SMARCC1: variants seen among roughly 807,000 people sequenced by gnomAD.
SMARCC1 encodes the protein SWI/SNF complex subunit SMARCC1.
Under a neutral mutation model 147.4 loss-of-function variants are expected in SMARCC1, and 43 were observed. The ratio of observed to expected loss-of-function variants is 0.29; its 90% CI spans 0.23 to 0.38. SMARCC1 has a LOEUF of 0.38. Ranked by LOEUF, SMARCC1 falls within the 10% of genes least tolerant of loss-of-function variation. The pLI, the probability that SMARCC1 is intolerant of heterozygous loss-of-function variation, is 1.00. For synonymous variants in SMARCC1, 495 were observed against 484.4 expected (o/e 1.02, Z -0.29); for missense variants, 1,119 against 1,381.1 (o/e 0.81, Z 3.01).
intron 5 of SMARCC1, among the ~76,000 whole-genome samples, chr3:47,733,977 G>GTATA (rs575979227): frequency 6.6e-6 from 1 of 150,776 alleles, no homozygotes; most frequent in Non-Finnish European, 1.5e-5. Context: ...GTACGTGTGT[G>GTATA]TATATATATA....
At chr3:47,706,909 C>A (rs1354750947) in intron 9 of SMARCC1, among the ~76,000 whole-genome samples, 1 of 152,132 alleles carries the variant, frequency 6.6e-6, no homozygotes, top group African/African-American at 2.4e-5. Context: ...ACAGGCCAAA[C>A]GATCCTGTGA....
chr3:47,766,637 C>G (rs1333064074), intron 2 of SMARCC1, among the ~76,000 whole-genome samples: 1 of 152,102 alleles, frequency 6.6e-6, no homozygotes, highest in African/African-American at 2.4e-5. Flanking sequence ...TGTATGCACA[C>G]GTACTAAAGC....
At chr3:47,663,584 C>A in intron 19 of SMARCC1, 1 of 1,395,760 alleles carries the variant, frequency 7.2e-7, no homozygotes, top group South Asian at 1.2e-5. Context: ...TGTCTTAGGT[C>A]GCGATTTTCT....
chr3:47,623,727 A>G (rs968300802), intron 24 of SMARCC1, among the ~76,000 whole-genome samples: 2 of 152,220 alleles, frequency 1.3e-5, no homozygotes, highest in African/African-American at 4.8e-5. Context: ...AAAAGTTACA[A>G]AGAGGTATAA....
chr3:47,781,692 C>T lies in SMARCC1; in HGVS notation c.106G>A (p.Gly36Arg). 6.4e-7 allele frequency: 1 copy of T among 1,563,340 alleles called. No individual in the cohort carries two copies. The highest frequency in any genetic ancestry group is 8.6e-7 in the Non-Finnish European group (1 of 1,158,632). Residue 36 changes from glycine (G) to arginine (R), a missense_variant, in exon 1 of 28, where the codon GGG becomes AGG. Around this residue, in one of 6 missense-constraint regions of SMARCC1, gnomAD observed 542 missense variants for 611.8 expected, o/e 0.89. Transcript: ENST00000254480. Reference protein sequence around the residue: ...AGLAVYRRKDGGPATKFWESP... With the variant: ...AGLAVYRRKDRGPATKFWESP... ...TCCCAAAACTTGGTGGCCGGGCCCC[C>T]ATCCTTCCGTCGATAAACAGCTAGG...
chr3:47,663,283 C>T (rs1040963181), intron 19 of SMARCC1, among the ~76,000 whole-genome samples: 2 of 148,890 alleles, frequency 1.3e-5, no homozygotes, highest in East Asian at 4.0e-4. Flanking sequence ...TTTACTAATA[C>T]ATACAGACAT....
At chr3:47,677,656 C>A (rs180848743) in intron 16 of SMARCC1, among the ~76,000 whole-genome samples, 18 of 151,996 alleles carry the variant, frequency 1.2e-4, no homozygotes, top group African/African-American at 4.3e-4. Context: ...AGTTCTCCTG[C>A]CTCAGCCTCC....
At chr3:47,682,412 G>A (rs944334531) in intron 14 of SMARCC1, among the ~76,000 whole-genome samples, 11 of 152,096 alleles carry the variant, frequency 7.2e-5, no homozygotes, top group Non-Finnish European at 1.3e-4. Context: ...CAGGATAGCC[G>A]GGACTACAGG....
chr3:47,746,306 T>A (rs558772707), intron 2 of SMARCC1: 4 of 191,144 alleles, frequency 2.1e-5, no homozygotes, highest in Non-Finnish European at 3.2e-5. Context: ...AAAAATTAGC[T>A]GTGCATTGTG....
At position 47,738,026 on chromosome 3, in the gene SMARCC1, T is replaced by C; in HGVS notation, c.483+3A>G. 1 of 1,588,626 alleles carries C rather than the reference T, an allele frequency of 6.3e-7. No homozygotes were observed. Among genetic ancestry groups the C allele is most frequent in the Non-Finnish European group, 8.6e-7 (1 of 1,166,590 alleles). The stretch of plus-strand genomic sequence containing the variant: ...TTTTAAATAACCTAAGTTTCCAAGT[T>C]ACCTGCACCAATGTTTTTTCAATGT... On this transcript the variant is annotated splice_donor_region_variant and intron_variant, in intron 4 of 27. Transcript: ENST00000254480.
chr3:47,597,621 C>T (rs1019589974), intron 26 of SMARCC1, among the ~76,000 whole-genome samples: 10 of 152,098 alleles, frequency 6.6e-5, no homozygotes, highest in Non-Finnish European at 1.2e-4. Context: ...CCACCATGCC[C>T]GGCCCACGCC....
chr3:47,589,882 A>G (rs1366287247), intron 27 of SMARCC1, among the ~76,000 whole-genome samples: 2 of 152,230 alleles, frequency 1.3e-5, no homozygotes, highest in Non-Finnish European at 2.9e-5. Flanking sequence ...AATAGTAGCT[A>G]AACTTTTGGC....
chr3:47,743,705 C>G (rs1292341596), intron 3 of SMARCC1, among the ~76,000 whole-genome samples: 7 of 151,120 alleles, frequency 4.6e-5, no homozygotes, highest in Non-Finnish European at 1.5e-5. Flanking sequence ...CCCAGCTACT[C>G]AGGAGGGTGA....
At chr3:47,707,737 G>A (rs1005052963) in intron 9 of SMARCC1, among the ~76,000 whole-genome samples, 1 of 152,114 alleles carries the variant, frequency 6.6e-6, no homozygotes, top group Non-Finnish European at 1.5e-5. Context: ...AAGTTAGCTG[G>A]ATGTAGGGGT....
chr3:47,757,422 C>T (rs2034712925), intron 2 of SMARCC1, among the ~76,000 whole-genome samples: 1 of 152,066 alleles, frequency 6.6e-6, no homozygotes, highest in East Asian at 1.9e-4. Context: ...AACCACAAAT[C>T]TACTAAATAA....
At chr3:47,699,873 C>T (rs748314116) in intron 11 of SMARCC1, among the ~76,000 whole-genome samples, 8 of 151,978 alleles carry the variant, frequency 5.3e-5, no homozygotes, top group South Asian at 2.1e-4. Context: ...TTACAAATTT[C>T]TCAATAATGA....
In SMARCC1 at chr3:47,654,589, T is replaced by C. The variant is rs1336831921; in HGVS notation, c.2320+6705A>G. 2.0e-5 allele frequency among the ~76,000 whole-genome samples: 3 copies of C among 152,214 alleles called. No homozygotes were observed. In the East Asian group the frequency reaches 5.8e-4, roughly 29 times the overall value. On this transcript the variant is annotated intron_variant, in intron 21 of 27. Transcript: ENST00000254480. ...ATAACTTATAAAGAAAAAGGGTTTA[T>C]TTAGCTCACAGTTCCACAGACTTAG... is the stretch of plus-strand genomic sequence containing the variant.
Position 47,658,216 on chromosome 3 carries a change from C to T in SMARCC1, c.2320+3078G>A, listed in dbSNP as rs557364646. ...TACTATCAACAGTTATGAGAGAACA[C>T]TGTGAACTTAAAAAAATAGCTTTGA... On this transcript the variant is annotated intron_variant, in intron 21 of 27. Coordinates refer to ENST00000254480, the MANE Select transcript of SMARCC1 (RefSeq NM_003074.4). Among the ~76,000 whole-genome samples, 3 of 152,236 alleles carry T rather than the reference C, an allele frequency of 2.0e-5. No homozygotes were observed. In the East Asian group the frequency reaches 5.8e-4, roughly 29 times the overall value.
In SMARCC1 at chr3:47,608,205, A is replaced by G. The variant is rs915923233; in HGVS notation, c.3043+1861T>C. Among the ~76,000 whole-genome samples, 15 of 152,318 alleles carry G rather than the reference A, an allele frequency of 9.8e-5. No individual in the cohort carries two copies. In the South Asian group the frequency reaches 2.5e-3, roughly 25 times the overall value. On this transcript the variant is annotated intron_variant, in intron 26 of 27. Transcript: ENST00000254480. The stretch of plus-strand genomic sequence containing the variant: ...TAGGTTCAAGCAATACCCATGCCTC[A>G]GCCTCCTGAGTAGATGGGACTGCAG...
Sources: allele counts gnomAD v4.1 joint callset (sites outside exome capture counted in the v4.1 genomes callset), GRCh38; gene constraint gnomAD v4.1.1; regional missense constraint gnomAD v4.1.1; transcripts MANE v1.5; gene names NCBI Gene and HGNC (gene_info 2026-07-23, HGNC 2026-07-21).